The following PKIG variants were observed in gnomAD, a reference collection of about 807,000 sequenced individuals.
The protein encoded by PKIG is cAMP-dependent protein kinase inhibitor gamma.
In PKIG, 1 loss-of-function variant was observed where a neutral mutation model predicts 6.8. That is an observed-to-expected ratio of 0.15 (90% CI 0.05 to 0.69). The LOEUF (loss-of-function observed/expected upper bound fraction) is 0.69, where lower values mean the gene tolerates loss of function less well. Ranked by LOEUF, PKIG falls within the 30% of genes least tolerant of loss-of-function variation. The probability of loss-of-function intolerance (pLI) is 0.82; values close to 1 mark genes in which losing one functional copy is unlikely to be tolerated. For missense variants in PKIG, 77 were observed against 104.0 expected (o/e 0.74, Z 1.13); for synonymous variants, 39 against 43.0 (o/e 0.91, Z 0.36).
At chr20:44,558,321 T>C (rs2064732783) in intron 1 of PKIG, among the ~76,000 whole-genome samples, 1 of 152,254 alleles carries the variant, frequency 6.6e-6, no homozygotes, top group African/African-American at 2.4e-5. Flanking sequence ...TTAGGCATTT[T>C]ATTCTCTCCA....
chr20:44,616,350 GGT>G (rs1469829023), intron 3 of PKIG, among the ~76,000 whole-genome samples: 1 of 152,162 alleles, frequency 6.6e-6, no homozygotes. Flanking sequence ...GGTGCCTGGT[GGT>G]GTTTGGCACA....
In PKIG at chr20:44,614,765, G is replaced by T; in HGVS notation, c.151+58G>T. 1.3e-6 allele frequency: 2 copies of T among 1,580,926 alleles called. No individual in the cohort carries two copies. The highest frequency in any genetic ancestry group is 1.7e-5 in the Admixed American group (1 of 58,986). On this transcript the variant is annotated intron_variant, in intron 3 of 3. Transcript: ENST00000372886. The surrounding 1 kb of genome is among the most constrained non-coding windows in gnomAD (Gnocchi z 4.6). ...TGCCAGAGGCCCTCTGCCGGGCCCC[G>T]GGCTAGCCTCCAAGTCCTAGACTGC...
At chr20:44,600,403 A>G (rs975546311) in intron 2 of PKIG, among the ~76,000 whole-genome samples, 5 of 152,220 alleles carry the variant, frequency 3.3e-5, no homozygotes, top group Non-Finnish European at 7.3e-5. Context: ...TGCCTGCCAT[A>G]TAAAAAATAG....
At chr20:44,581,853 A>G (rs1285334691), upstream of PKIG, among the ~76,000 whole-genome samples, 1 of 152,306 alleles carries the variant, frequency 6.6e-6, no homozygotes, top group Admixed American at 6.5e-5. Flanking sequence ...AAAATGCTCT[A>G]TAATGCATTT....
intron 2 of PKIG, among the ~76,000 whole-genome samples, chr20:44,613,668 A>G (rs1197599063): frequency 6.6e-6 from 1 of 152,136 alleles, no homozygotes. Context: ...TTTCCAAGTT[A>G]TATCTAGAAT....
chr20:44,597,874 C>T (rs974973154), intron 2 of PKIG, among the ~76,000 whole-genome samples: 6 of 152,252 alleles, frequency 3.9e-5, no homozygotes, highest in Admixed American at 3.9e-4. Context: ...ACCTCCCTTA[C>T]CCCAGAGCTA....
At chr20:44,563,879 C>T (rs1455577622) in intron 1 of PKIG, among the ~76,000 whole-genome samples, 1 of 152,098 alleles carries the variant, frequency 6.6e-6, no homozygotes, top group Non-Finnish European at 1.5e-5. Context: ...AGGAAATAAG[C>T]TATTTATATT....
At chr20:44,599,073 A>G (rs2065098395) in intron 2 of PKIG, among the ~76,000 whole-genome samples, 1 of 152,190 alleles carries the variant, frequency 6.6e-6, no homozygotes. Flanking sequence ...CATGGGTAAA[A>G]TGCATCTGGT....
chr20:44,547,247 G>A (rs770911280), intron 1 of PKIG, among the ~76,000 whole-genome samples: 33 of 152,040 alleles, frequency 2.2e-4, no homozygotes, highest in Non-Finnish European at 4.4e-4. Flanking sequence ...ATTCCGTGTT[G>A]GAGCAAAAAA....
At chr20:44,575,370 C>T (rs1028541920) in intron 1 of PKIG, among the ~76,000 whole-genome samples, 2 of 152,196 alleles carry the variant, frequency 1.3e-5, no homozygotes, top group African/African-American at 2.4e-5. Context: ...AGGCACCTGC[C>T]ACCACGCCCA....
rs533839765 is a variant in PKIG, at chr20:44,548,623, C to T, written c.-241+16645C>T. 1.4e-4 allele frequency among the ~76,000 whole-genome samples: 21 copies of T among 152,082 alleles called. No individual in the cohort carries two copies. The East Asian group carries it at 2.3e-3, about 17-fold the overall frequency. On this transcript the variant is annotated intron_variant, in intron 1 of 4. Transcript: ENST00000372887. The stretch of plus-strand genomic sequence containing the variant: ...CAAGTTTTGTAGCAGTCTGTTTCCC[C>T]GTCTTTGAAATATAAACAGCATCTT...
upstream of PKIG, among the ~76,000 whole-genome samples, chr20:44,578,635 A>G (rs2064920854): frequency 6.6e-6 from 1 of 152,170 alleles, no homozygotes; most frequent in African/African-American, 2.4e-5. Context: ...CTAAGGCCTC[A>G]CCAGAAGCAG....
intron 2 of PKIG, among the ~76,000 whole-genome samples, chr20:44,590,320 C>T (rs188089928): frequency 1.3e-5 from 2 of 152,288 alleles, no homozygotes; most frequent in East Asian, 3.9e-4. Flanking sequence ...CAAAAGCCAG[C>T]AAAACCCAAC....
chr20:44,613,315 G>T (rs2065235726), intron 2 of PKIG, among the ~76,000 whole-genome samples: 1 of 152,130 alleles, frequency 6.6e-6, no homozygotes, highest in East Asian at 1.9e-4. Flanking sequence ...ACAGGCGCCC[G>T]CCACCACGCC....
intron 1 of PKIG, among the ~76,000 whole-genome samples, chr20:44,566,612 G>T (rs192543232): frequency 6.6e-6 from 1 of 152,252 alleles, no homozygotes. Flanking sequence ...TTGGGAGGCC[G>T]AGGCAGGCAG....
At chr20:44,602,434 T>C (rs1432755192) in intron 2 of PKIG, among the ~76,000 whole-genome samples, 1 of 152,240 alleles carries the variant, frequency 6.6e-6, no homozygotes, top group Admixed American at 6.5e-5. Flanking sequence ...CTTTACACAT[T>C]GTAAATATCT....
intron 1 of PKIG, among the ~76,000 whole-genome samples, chr20:44,589,198 A>G (rs986281314): frequency 7.9e-5 from 12 of 152,028 alleles, no homozygotes; most frequent in African/African-American, 2.9e-4. Flanking sequence ...TGAGCAGGAC[A>G]CAGTAGTTCA....
upstream of PKIG, among the ~76,000 whole-genome samples, chr20:44,579,491 G>T (rs2123329342): frequency 6.6e-6 from 1 of 152,376 alleles, no homozygotes; most frequent in South Asian, 2.1e-4. Context: ...GCTCCCGTGA[G>T]CCTTTGAGCA....
At chr20:44,545,966 C>T (rs1178610015) in intron 1 of PKIG, among the ~76,000 whole-genome samples, 3 of 151,680 alleles carry the variant, frequency 2.0e-5, no homozygotes, top group Non-Finnish European at 4.4e-5. Context: ...AAAAGGCCTT[C>T]ACTGGGCACA....
Sources: allele counts gnomAD v4.1 joint callset (sites outside exome capture counted in the v4.1 genomes callset), GRCh38; gene constraint gnomAD v4.1.1; non-coding constraint Gnocchi (gnomAD v3.1); transcripts MANE v1.5; gene names NCBI Gene and HGNC (gene_info 2026-07-23, HGNC 2026-07-21).